The following RBM27 variants were observed in gnomAD, a reference collection of about 807,000 sequenced individuals.
RBM27 encodes RNA-binding protein 27.
A neutral mutation model predicts 135.3 loss-of-function variants in RBM27; 22 were observed. That is an observed-to-expected ratio of 0.16 (90% CI 0.12 to 0.23). The LOEUF (loss-of-function observed/expected upper bound fraction) is 0.23. RBM27 is among the 10% of genes least tolerant of loss of function. RBM27 has a pLI of 1.00. For synonymous variants in RBM27, 481 were observed against 442.4 expected (o/e 1.09, Z -1.10); for missense variants, 1,009 against 1,281.0 (o/e 0.79, Z 3.24).
At chr5:146,223,973 T>A (rs1756563767) in intron 3 of RBM27, among the ~76,000 whole-genome samples, 1 of 152,164 alleles carries the variant, frequency 6.6e-6, no homozygotes, top group Non-Finnish European at 1.5e-5. Context: ...GGAAAGAGGA[T>A]TTTAAAAATG....
At chr5:146,282,085 C>T (rs1161011422) in intron 19 of RBM27, among the ~76,000 whole-genome samples, 1 of 144,068 alleles carries the variant, frequency 6.9e-6, no homozygotes, top group Non-Finnish European at 1.5e-5. Flanking sequence ...CTCTTGGCAA[C>T]CTCCACCTCA....
chr5:146,266,930 A>T (rs1317062067), intron 14 of RBM27, among the ~76,000 whole-genome samples: 1 of 151,596 alleles, frequency 6.6e-6, no homozygotes, highest in Non-Finnish European at 1.5e-5. Context: ...CCTTATCTTT[A>T]AAAAAAAAGA....
In RBM27 at chr5:146,285,873, T is replaced by C. The variant is rs1409924568; in HGVS notation, c.3100-74T>C. On this transcript the variant is annotated intron_variant, in intron 20 of 20. Transcript: ENST00000265271. Reference sequence around the variant, plus strand: ...CCTGGGCTTTGTATACTAGCCTGTTTGTCCTTTGGCCTAAAAAGTATTTTA... The same window carrying C: ...CCTGGGCTTTGTATACTAGCCTGTTCGTCCTTTGGCCTAAAAAGTATTTTA... 26 of 1,164,974 alleles carry C rather than the reference T, an allele frequency of 2.2e-5. No individual in the cohort carries two copies. In the East Asian group the frequency reaches 6.1e-4, roughly 28 times the overall value. 72.2% of individuals were successfully genotyped at this position (1,164,974 alleles called of 1,614,324 possible).
At chr5:146,235,149 C>T (rs1280971575) in intron 7 of RBM27, among the ~76,000 whole-genome samples, 1 of 151,954 alleles carries the variant, frequency 6.6e-6, no homozygotes, top group Non-Finnish European at 1.5e-5. Flanking sequence ...TTCTTTTTAA[C>T]ATTTTATTTT....
At chr5:146,251,975 G>T in intron 9 of RBM27, 100 bp downstream of exon 9, 1 of 1,318,740 alleles carries the variant, frequency 7.6e-7, no homozygotes. Flanking sequence ...CTGTTACAAA[G>T]TCCCATTAAA....
chr5:146,276,462 C>T (rs1759097782), intron 19 of RBM27, among the ~76,000 whole-genome samples: 1 of 152,146 alleles, frequency 6.6e-6, no homozygotes, highest in African/African-American at 2.4e-5. Context: ...TGTCTCACTC[C>T]TGTCATTCCT....
At chr5:146,248,865 T>G (rs1269750654) in intron 8 of RBM27, among the ~76,000 whole-genome samples, 1 of 142,910 alleles carries the variant, frequency 7.0e-6, no homozygotes, top group African/African-American at 2.4e-5. Flanking sequence ...TAATTAGACA[T>G]ACTTAATTAG....
intron 13 of RBM27, among the ~76,000 whole-genome samples, chr5:146,262,951 C>T (rs924544799): frequency 1.3e-5 from 2 of 149,942 alleles, no homozygotes; most frequent in African/African-American, 2.5e-5. Context: ...TGCAGTGGCT[C>T]AGTCTTGGTT....
chr5:146,223,217 A>G (rs890604862), intron 2 of RBM27, among the ~76,000 whole-genome samples, 186 bp from the exon 3 acceptor site: 1 of 152,106 alleles, frequency 6.6e-6, no homozygotes, highest in Non-Finnish European at 1.5e-5. Flanking sequence ...CATATATATC[A>G]TTTTGCAAGT....
rs1466729789 is a variant in RBM27 at position 146,287,445 on chromosome 5, TG to T, written c.*1416del. On this transcript the variant is annotated 3_prime_UTR_variant, in exon 21 of 21. Coordinates refer to ENST00000265271, the MANE Select transcript of RBM27 (RefSeq NM_018989.2). Reference sequence around the variant, plus strand: ...AATAAAATGATTAATGTACCTAGGCTGTCACTTTTTCAAGGATATACACATC... The same window carrying T: ...AATAAAATGATTAATGTACCTAGGCTTCACTTTTTCAAGGATATACACATC... 7.2e-5 allele frequency: 11 copies of T among 152,198 alleles called. No homozygotes were observed. Among genetic ancestry groups the T allele is most frequent in the African/African-American group, 2.7e-4 (11 of 41,452 alleles). The allele number at this position is 152,198 out of a possible 1,614,324, so 9.4% of individuals were successfully genotyped here. A position where few individuals can be genotyped will look rare whatever the true frequency, so the allele number is the denominator to read the frequency against.
intron 10 of RBM27, 69 bp from the exon 11 acceptor site, chr5:146,258,380 T>C: frequency 1.5e-6 from 2 of 1,304,956 alleles, no homozygotes; most frequent in Non-Finnish European, 2.0e-6. Flanking sequence ...GTTTTTAGCT[T>C]TTAGACTAAA....
intron 1 of RBM27, among the ~76,000 whole-genome samples, chr5:146,208,620 C>T (rs2126670581): frequency 6.6e-6 from 1 of 152,296 alleles, no homozygotes. Context: ...GTCATAGAGA[C>T]TGTAGGGATT....
chr5:146,253,638 A>G (rs1757991486), intron 9 of RBM27, among the ~76,000 whole-genome samples: 2 of 152,174 alleles, frequency 1.3e-5, no homozygotes, highest in Admixed American at 1.3e-4. Context: ...GATATCTCAG[A>G]ATCACCTGTG....
chr5:146,232,526 T>TA (rs1756982197), intron 6 of RBM27, among the ~76,000 whole-genome samples: 1 of 152,190 alleles, frequency 6.6e-6, no homozygotes, highest in Non-Finnish European at 1.5e-5. Flanking sequence ...TGTTAAAACA[T>TA]AGAGAGCTTT....
chr5:146,254,898 C>A, intron 9 of RBM27, 45 bp from the exon 10 acceptor site: 1 of 1,430,360 alleles, frequency 7.0e-7, no homozygotes, highest in South Asian at 1.3e-5. Flanking sequence ...ATGGTTTAAC[C>A]TCTCTCTGAT....
At position 146,223,420 on chromosome 5, in the gene RBM27, G is replaced by A; in HGVS notation, c.196G>A (p.Asp66Asn). The A allele has an allele frequency of 1.3e-6, 2 of 1,594,016 alleles. No individual in the cohort carries two copies. Among genetic ancestry groups the A allele is most frequent in the Non-Finnish European group, 1.7e-6 (2 of 1,173,840 alleles). ...FLQKETSGFV[D>N]KLFESLYTKN... ...CTCCTTAGAAACTTCAGGTTTTGTG[G>A]ACAAACTATTTGAAAGTCTCTATAC... Residue 66 changes from aspartate to asparagine, a missense_variant, in exon 3 of 21, where the codon GAC becomes AAC. By Grantham distance (23) the Asp-to-Asn change is conservative. Transcript: ENST00000265271.
chr5:146,270,062 G>C (rs1308659107), intron 17 of RBM27, among the ~76,000 whole-genome samples: 1 of 152,092 alleles, frequency 6.6e-6, no homozygotes, highest in Non-Finnish European at 1.5e-5. Context: ...TTCTAATGCT[G>C]TAATAGTATT....
intron 2 of RBM27, among the ~76,000 whole-genome samples, chr5:146,221,061 A>C (rs1366981549): frequency 6.6e-6 from 1 of 151,996 alleles, no homozygotes; most frequent in Non-Finnish European, 1.5e-5. Context: ...TACTAAAAAA[A>C]CACAAAAAAA....
At position 146,223,651 on chromosome 5, in the gene RBM27, G is replaced by C. The variant is rs115051859; in HGVS notation, c.303+124G>C. ...ATTCAAGTTTCCGGATTTTAGGCAT[G>C]GTACAGATTCTTCATCAGGATTTCA... On this transcript the variant is annotated intron_variant, in intron 3 of 20. Coordinates refer to ENST00000265271, the MANE Select transcript of RBM27 (RefSeq NM_018989.2). 2.6e-4 allele frequency: 286 copies of C among 1,109,290 alleles called. 4 individuals carry two copies. In the South Asian group the frequency reaches 5.0e-3, roughly 20 times the overall value. 68.7% of individuals were successfully genotyped at this position (1,109,290 alleles called of 1,614,324 possible). A position where few individuals can be genotyped will look rare whatever the true frequency, so the allele number is the denominator to read the frequency against.
Sources: allele counts gnomAD v4.1 joint callset (sites outside exome capture counted in the v4.1 genomes callset), GRCh38; gene constraint gnomAD v4.1.1; transcripts MANE v1.5; gene names NCBI Gene and HGNC (gene_info 2026-07-23, HGNC 2026-07-21).